The following HS6ST3 variants were observed in gnomAD, a reference collection of about 807,000 sequenced individuals.
HS6ST3 encodes heparan sulfate 6-O-sulfotransferase 3.
Under a neutral mutation model 36.7 loss-of-function variants are expected in HS6ST3, and 12 were observed. The ratio of observed to expected loss-of-function variants is 0.33; its 90% CI spans 0.21 to 0.53. HS6ST3 has a LOEUF of 0.53. Ranked by LOEUF, HS6ST3 falls within the 20% of genes least tolerant of loss-of-function variation. HS6ST3 has a pLI of 0.95. For synonymous variants in HS6ST3, 240 were observed against 257.5 expected (o/e 0.93, Z 0.65); for missense variants, 584 against 640.9 (o/e 0.91, Z 0.96).
chr13:96,397,696 A>G (rs2055429215), intron 1 of HS6ST3, among the ~76,000 whole-genome samples: 1 of 152,230 alleles, frequency 6.6e-6, no homozygotes, highest in Non-Finnish European at 1.5e-5. Context: ...AAACATAGAG[A>G]GACATTAAGT....
In HS6ST3 at chr13:96,786,501, CTAATA is replaced by C. The variant is rs1877656218; in HGVS notation, c.708-45988_708-45984del. Among the ~76,000 whole-genome samples, 3 of 152,246 alleles carry C rather than the reference CTAATA, an allele frequency of 2.0e-5. No individual in the cohort carries two copies. In the South Asian group the frequency reaches 6.2e-4, roughly 32 times the overall value. On this transcript the variant is annotated intron_variant, in intron 1 of 1. Coordinates refer to ENST00000376705, the MANE Select transcript of HS6ST3 (RefSeq NM_153456.4). ...GTGGTAGGTGTACCGTAAATATTAA[CTAATA>C]AATGGATATGTTTTGGGGCAAAAAT...
intron 1 of HS6ST3, among the ~76,000 whole-genome samples, chr13:96,335,004 T>A (rs2055092993): frequency 6.6e-6 from 1 of 152,222 alleles, no homozygotes; most frequent in South Asian, 2.1e-4. Flanking sequence ...GAGAACTTAA[T>A]GAGCTTAGAA....
chr13:96,662,165 G>A (rs146098049), intron 1 of HS6ST3, among the ~76,000 whole-genome samples: 21 of 152,158 alleles, frequency 1.4e-4, no homozygotes, highest in Non-Finnish European at 2.4e-4. Context: ...GGACATTTTC[G>A]TGAATTATTT....
At chr13:96,793,868 C>A (rs902247247) in intron 1 of HS6ST3, among the ~76,000 whole-genome samples, 1 of 151,982 alleles carries the variant, frequency 6.6e-6, no homozygotes, top group East Asian at 1.9e-4. Context: ...GATTTATTTC[C>A]ACGCCAATGC....
At chr13:96,392,639 A>G (rs74959228) in intron 1 of HS6ST3, among the ~76,000 whole-genome samples, 1 of 152,192 alleles carries the variant, frequency 6.6e-6, no homozygotes, top group African/African-American at 2.4e-5. Context: ...AATATACCAA[A>G]TGGGTGCGCA....
At chr13:96,110,048 A>AT (rs2053860673) in intron 1 of HS6ST3, among the ~76,000 whole-genome samples, 1 of 152,176 alleles carries the variant, frequency 6.6e-6, no homozygotes, top group South Asian at 2.1e-4. Flanking sequence ...GAATTAGTCC[A>AT]TTTTGTGTTG....
At chr13:96,432,481 C>G (rs2055620436) in intron 1 of HS6ST3, among the ~76,000 whole-genome samples, 1 of 152,260 alleles carries the variant, frequency 6.6e-6, no homozygotes, top group South Asian at 2.1e-4. Context: ...AAACTTGGTT[C>G]ATTGGCCAAA....
chr13:96,778,280 T>A (rs1181881230), intron 1 of HS6ST3, among the ~76,000 whole-genome samples: 1 of 152,148 alleles, frequency 6.6e-6, no homozygotes, highest in Non-Finnish European at 1.5e-5. Context: ...ACTTCATGAT[T>A]AAAACACCAA....
chr13:96,141,117 C>G (rs925819322), intron 1 of HS6ST3, among the ~76,000 whole-genome samples: 3 of 152,118 alleles, frequency 2.0e-5, no homozygotes, highest in Admixed American at 1.3e-4. Flanking sequence ...GGATTTAAGA[C>G]AGGAAAAGAC....
At chr13:96,249,942 G>A (rs552035138) in intron 1 of HS6ST3, among the ~76,000 whole-genome samples, 3 of 152,268 alleles carry the variant, frequency 2.0e-5, no homozygotes, top group East Asian at 3.9e-4. Context: ...GTGTTGCACA[G>A]GAACGAGGAG....
intron 1 of HS6ST3, among the ~76,000 whole-genome samples, chr13:96,189,025 A>G (rs1027901209): frequency 4.6e-5 from 7 of 152,162 alleles, no homozygotes; most frequent in Admixed American, 4.6e-4. Context: ...ATTTGGGGGA[A>G]TTATTTTAAT....
rs554254945 is a variant in HS6ST3, at chr13:96,197,079, T to G, written c.707+105510T>G. 2.6e-5 allele frequency among the ~76,000 whole-genome samples: 4 copies of G among 152,310 alleles called. No homozygotes were observed. The East Asian group carries it at 7.7e-4, about 29-fold the overall frequency. On this transcript the variant is annotated intron_variant, in intron 1 of 1. Transcript: ENST00000376705. ...TCAATGACATGACAAGTGATTGAAA[T>G]GTATTTGATAGTTAGATGATAGAAA...
chr13:96,229,531 G>T (rs115175315), intron 1 of HS6ST3, among the ~76,000 whole-genome samples: 1 of 152,062 alleles, frequency 6.6e-6, no homozygotes, highest in African/African-American at 2.4e-5. Flanking sequence ...CAGGAAACCC[G>T]CCCTCTAGTG....
At chr13:96,294,939 A>G (rs1315367446) in intron 1 of HS6ST3, among the ~76,000 whole-genome samples, 3 of 152,130 alleles carry the variant, frequency 2.0e-5, no homozygotes, top group African/African-American at 7.2e-5. Flanking sequence ...TAGCATTGCT[A>G]TAATTCTCTA....
chr13:96,521,459 G>T (rs554816502), intron 1 of HS6ST3, among the ~76,000 whole-genome samples: 3 of 152,116 alleles, frequency 2.0e-5, no homozygotes, highest in Non-Finnish European at 4.4e-5. Flanking sequence ...TGTAGAATTC[G>T]GTTGTGAATC....
intron 1 of HS6ST3, among the ~76,000 whole-genome samples, chr13:96,346,251 G>A (rs1293625377): frequency 6.6e-6 from 1 of 152,176 alleles, no homozygotes; most frequent in Non-Finnish European, 1.5e-5. Context: ...GGAACTAGTT[G>A]TGTTTGTGAT....
intron 1 of HS6ST3, among the ~76,000 whole-genome samples, chr13:96,162,331 C>G (rs771860536): frequency 1.3e-5 from 2 of 152,136 alleles, no homozygotes; most frequent in Non-Finnish European, 2.9e-5. Context: ...ATTTGGAATA[C>G]TTGTCAAATA....
intron 1 of HS6ST3, among the ~76,000 whole-genome samples, chr13:96,215,743 T>C (rs983599690): frequency 6.6e-6 from 1 of 152,152 alleles, no homozygotes; most frequent in Non-Finnish European, 1.5e-5. Context: ...AGAATTAATA[T>C]ATAGTGTCAC....
intron 1 of HS6ST3, among the ~76,000 whole-genome samples, chr13:96,183,211 A>G (rs188433960): frequency 6.6e-6 from 1 of 152,178 alleles, no homozygotes; most frequent in Non-Finnish European, 1.5e-5. Context: ...GCGGGGGGGA[A>G]GTCTCGTATA....
Sources: gnomAD v4.1 joint callset for allele counts (sites outside exome capture counted in the v4.1 genomes callset) on GRCh38, gnomAD v4.1.1 for gene constraint, MANE v1.5 for transcripts, NCBI Gene and HGNC (gene_info 2026-07-23, HGNC 2026-07-21) for gene names.